Variants in CACNA1G observed in about 807,000 individuals in gnomAD.
CACNA1G encodes voltage-dependent T-type calcium channel subunit alpha-1G.
In CACNA1G, 67 loss-of-function variants were observed where a neutral mutation model predicts 219.4. The ratio of observed to expected loss-of-function variants is 0.31; its 90% CI spans 0.25 to 0.37. The LOEUF (loss-of-function observed/expected upper bound fraction) is 0.37. Among genes scored for constraint, CACNA1G ranks in the 10% least tolerant of loss-of-function variants. CACNA1G has a pLI of 1.00. For missense variants in CACNA1G, 2,380 were observed against 3,231.4 expected, an observed-to-expected ratio of 0.74 and a Z score of 6.39; for synonymous variants, 1,296 against 1,345.3, an observed-to-expected ratio of 0.96 and a Z score of 0.80.
rs35058899 is a variant in CACNA1G at position 50,623,263 on chromosome 17, A to ATTTTT, written c.6061-617_6061-613dup. Among the ~76,000 whole-genome samples the ATTTTT allele has an allele frequency of 2.2e-3, 110 of 50,980 alleles. 3 individuals are homozygous for ATTTTT. Among genetic ancestry groups the ATTTTT allele is most frequent in the South Asian group, 0.011 (9 of 812 alleles). 33.4% of individuals were successfully genotyped at this position (50,980 alleles called of 152,430 possible). A position where few individuals can be genotyped will look rare whatever the true frequency, so the allele number is the denominator to read the frequency against. The stretch of plus-strand genomic sequence containing the variant: ...GGTGCCACGCCACCATATCCAGCTA[A>ATTTTT]TTTTTTTTTTTTTTTTTTTTTTTTT... On this transcript the variant is annotated intron_variant, in intron 35 of 37. Transcript: ENST00000359106.
At chr17:50,612,098 G>C (rs2049335833) in intron 26 of CACNA1G, among the ~76,000 whole-genome samples, 1 of 152,240 alleles carries the variant, frequency 6.6e-6, no homozygotes, top group South Asian at 2.1e-4. Flanking sequence ...ATGTGCATAA[G>C]AATCACCTGG....
chr17:50,572,976 G>A, intron 6 of CACNA1G, 45 bp from the exon 7 acceptor site: 1 of 1,561,480 alleles, frequency 6.4e-7, no homozygotes, highest in Non-Finnish European at 8.7e-7. Context: ...GACTGAAGGA[G>A]GATTTGGTGG....
At chr17:50,619,576 T>A (rs2051297057) in intron 33 of CACNA1G, 107 bp from the exon 34 acceptor site, 1 of 1,073,918 alleles carries the variant, frequency 9.3e-7, no homozygotes, top group African/African-American at 1.6e-5. Context: ...TGTCACCTCT[T>A]TCTCCTCTGT....
Position 50,568,985 on chromosome 17 carries a change from AGTGTGT to A in CACNA1G, c.354+29_354+34del, listed in dbSNP as rs3833150. 9.4e-4 allele frequency: 1,114 copies of A among 1,180,750 alleles called. No homozygotes were observed. The highest frequency in any genetic ancestry group is 1.1e-3 in the Non-Finnish European group (934 of 828,480). The allele number at this position is 1,180,750 out of a possible 1,614,324, so 73.1% of individuals were successfully genotyped here. A position where few individuals can be genotyped will look rare whatever the true frequency, so the allele number is the denominator to read the frequency against. ...CCAGCGCTGCCGGATCCTGCAGGTG[AGTGTGT>A]GTGTGTGTGTGTGTGTGTGTGTGTT... On this transcript the variant is annotated splice_donor_5th_base_variant and intron_variant, in intron 2 of 37. Coordinates refer to ENST00000359106, the MANE Select transcript of CACNA1G (RefSeq NM_018896.5).
intron 7 of CACNA1G, 63 bp downstream of exon 7, chr17:50,573,176 C>T (rs2039836518): frequency 8.3e-7 from 1 of 1,198,306 alleles, no homozygotes; most frequent in African/African-American, 1.5e-5. Flanking sequence ...GGGGGCAGTC[C>T]AGAGAGGGGA....
Position 50,569,272 on chromosome 17 carries a change from G to A in CACNA1G, c.462G>A (p.Arg154=). The part of the protein sequence containing the change: ...KKCYLGDTWN[R]LDFFIVIAGM... ...GTTACCTGGGAGACACTTGGAACCG[G>A]CTTGACTTTTTCATCGTCATCGCAG... The change falls in exon 3 of 38, where the codon CGG becomes CGA. Residue 154 remains arginine, a synonymous_variant. Coordinates refer to ENST00000359106, the MANE Select transcript of CACNA1G (RefSeq NM_018896.5). 1 of 1,613,846 alleles carries A rather than the reference G, an allele frequency of 6.2e-7. No individual in the cohort carries two copies. The highest frequency in any genetic ancestry group is 1.1e-5 in the South Asian group (1 of 91,078).
At position 50,602,813 on chromosome 17, in the gene CACNA1G, C is replaced by T. The variant is rs2047028223; in HGVS notation, c.3916-7C>T. On this transcript the variant is annotated splice_polypyrimidine_tract_variant and splice_region_variant and intron_variant, in intron 19 of 37. Transcript: ENST00000359106. ...GGCGGGCAACCCCTGCCTCCCCTCTCTTGCAGGAACGCATCTTCCTGACCC... is the reference window on the plus strand; with the variant it reads ...GGCGGGCAACCCCTGCCTCCCCTCTTTTGCAGGAACGCATCTTCCTGACCC... 1.9e-6 allele frequency: 3 copies of T among 1,613,676 alleles called. No individual in the cohort carries two copies. In the African/African-American group the frequency reaches 4.0e-5, roughly 22 times the overall value.
In CACNA1G at chr17:50,596,882, G is replaced by C. The variant is rs1228444217; in HGVS notation, c.3217G>C (p.Gly1073Arg). ...GPASRRTSSS[G>R]SAEPGAAHEM... Reference sequence around the variant, plus strand: ...TGCGTCGCGCCGCACCAGCAGCAGCGGGTCGGCAGAGCCTGGGGCGGCCCA... The same window carrying C: ...TGCGTCGCGCCGCACCAGCAGCAGCCGGTCGGCAGAGCCTGGGGCGGCCCA... The change falls in exon 16 of 38, where the codon GGG becomes CGG. Residue 1073 changes from glycine (G) to arginine (R), a missense_variant. Gly to Arg is a moderately radical substitution (Grantham distance 125). Coordinates refer to ENST00000359106, the MANE Select transcript of CACNA1G (RefSeq NM_018896.5). The surrounding 1 kb of genome is among the most constrained non-coding windows in gnomAD (Gnocchi z 4.8). 6.3e-7 allele frequency: 1 copy of C among 1,587,220 alleles called. No individual in the cohort carries two copies. The highest frequency in any genetic ancestry group is 1.1e-5 in the South Asian group (1 of 88,050).
chr17:50,609,526 G>A (rs1340585989), intron 25 of CACNA1G, among the ~76,000 whole-genome samples: 6 of 152,052 alleles, frequency 3.9e-5, no homozygotes, highest in Non-Finnish European at 5.9e-5. Flanking sequence ...TTTGGCAGGC[G>A]GCACTTGTGG....
At position 50,590,646 on chromosome 17, in the gene CACNA1G, C is replaced by G. The variant is rs373194053; in HGVS notation, c.2453+24C>G. 100 of 1,586,972 alleles carry G rather than the reference C, an allele frequency of 6.3e-5. 1 individual carries two copies. The highest frequency in any genetic ancestry group is 8.1e-5 in the Non-Finnish European group (95 of 1,170,596). On this transcript the variant is annotated intron_variant, in intron 10 of 37. Transcript: ENST00000359106. ...AGGTATGACTACCCCCCGGCACTGACTCTCAGTTGAGGAATGGTAGCAGGG... is the reference window on the plus strand; with the variant it reads ...AGGTATGACTACCCCCCGGCACTGAGTCTCAGTTGAGGAATGGTAGCAGGG...
rs751748027 is a variant in CACNA1G at position 50,626,256 on chromosome 17, C to T, written c.6639C>T (p.Ser2213=). The T allele has an allele frequency of 1.4e-5, 22 of 1,613,666 alleles. No individual in the cohort carries two copies. The highest frequency in any genetic ancestry group is 1.9e-5 in the Non-Finnish European group (22 of 1,179,886). Residue 2213 remains serine, a synonymous_variant, in exon 38 of 38, where the codon AGC becomes AGT. Coordinates refer to ENST00000359106, the MANE Select transcript of CACNA1G (RefSeq NM_018896.5). The surrounding 1 kb of genome is among the most constrained non-coding windows in gnomAD (Gnocchi z 4.3). The part of the protein sequence containing the change: ...NWGKGPPETR[S]SLELDTELSW... The stretch of plus-strand genomic sequence containing the variant: ...GCAAGGGCCCTCCAGAGACCAGAAG[C>T]AGCTTAGAGTTGGACACGGAGCTGA...
At position 50,615,525 on chromosome 17, in the gene CACNA1G, G is replaced by C. The variant is rs761252175; in HGVS notation, c.4911+13G>C. The C allele has an allele frequency of 1.2e-6, 2 of 1,610,224 alleles. No homozygotes were observed. The highest frequency in any genetic ancestry group is 2.2e-5 in the South Asian group (2 of 90,688). ...CCAGCAGCCCCAGGTAGGAGCGAGT[G>C]GACCAGCCATCTGGCCCCCCCACCT... On this transcript the variant is annotated intron_variant, in intron 27 of 37. Transcript: ENST00000359106.
At chr17:50,591,885 G>C (rs1364153903) in intron 12 of CACNA1G, 32 bp downstream of exon 12, 1 of 1,613,660 alleles carries the variant, frequency 6.2e-7, no homozygotes, top group Non-Finnish European at 8.5e-7. Context: ...GCGTGGACAG[G>C]GGCCGTCAGG....
Position 50,626,524 on chromosome 17 carries a change from A to G in CACNA1G, c.6907A>G (p.Lys2303Glu). 1 of 1,573,642 alleles carries G rather than the reference A, an allele frequency of 6.4e-7. No individual in the cohort carries two copies. Among genetic ancestry groups the G allele is most frequent in the Admixed American group, 1.9e-5 (1 of 53,108 alleles). Reference sequence around the variant, plus strand: ...TCTTGGGGGGCCTGGGAGCCGGCCCAAGAAAAAACTCAGCCCGCCTAGTAT... The same window carrying G: ...TCTTGGGGGGCCTGGGAGCCGGCCCGAGAAAAAACTCAGCCCGCCTAGTAT... ...QPLGGPGSRP[K>E]KKLSPPSITI... Residue 2303 changes from lysine (K) to glutamate (E), a missense_variant, in exon 38 of 38, where the codon AAG becomes GAG. Physicochemically the swap from Lys to Glu is moderately conservative, Grantham distance 56. Around this residue, in one of 17 missense-constraint regions of CACNA1G, gnomAD observed 672 missense variants for 670.5 expected, o/e 1.00. Transcript: ENST00000359106. This position sits in a 1 kb window ranked among gnomAD's most constrained non-coding sequence, Gnocchi z 4.3.
chr17:50,616,696 C>T (rs1238835222), intron 28 of CACNA1G, among the ~76,000 whole-genome samples: 1 of 152,200 alleles, frequency 6.6e-6, no homozygotes, highest in Non-Finnish European at 1.5e-5. Context: ...GATTTGAATC[C>T]TGGTCTCACC....
At chr17:50,609,849 G>T (rs778005586) in intron 25 of CACNA1G, 33 bp from the exon 26 acceptor site, 2 of 1,605,444 alleles carry the variant, frequency 1.2e-6, no homozygotes, top group Non-Finnish European at 1.7e-6. Flanking sequence ...ACCTGGTCCG[G>T]CCAGTGACCA....
chr17:50,603,300 C>A lies in CACNA1G; in HGVS notation c.4169+101C>A. ...CCCTGCCACGAAACAAAAGCCTGCACAGGCCAGCATCCTGTCTGTGACCCC... is the reference window on the plus strand; with the variant it reads ...CCCTGCCACGAAACAAAAGCCTGCAAAGGCCAGCATCCTGTCTGTGACCCC... On this transcript the variant is annotated intron_variant, in intron 21 of 37. Transcript: ENST00000359106. The surrounding 1 kb of genome is among the most constrained non-coding windows in gnomAD (Gnocchi z 6.4). 3.0e-6 allele frequency: 3 copies of A among 987,448 alleles called. No individual in the cohort carries two copies. The highest frequency in any genetic ancestry group is 1.5e-5 in the South Asian group (1 of 65,032). The allele number at this position is 987,448 out of a possible 1,614,324, so 61.2% of individuals were successfully genotyped here. A position where few individuals can be genotyped will look rare whatever the true frequency, so the allele number is the denominator to read the frequency against.
chr17:50,600,744 C>A lies in CACNA1G; in HGVS notation c.3709C>A (p.Arg1237Ser), dbSNP rs765212113. ...EGNLSKGERV[R>S]AWIRARLPAC... ...TCTGCAGAGCAAAGGGGAACGGGTC[C>A]GCGCGTGGATCCGAGCCCGACTCCC... The change falls in exon 18 of 38, where the codon CGC becomes AGC. Residue 1237 changes from arginine (R) to serine (S), a missense_variant. Physicochemically the swap from Arg to Ser is moderately radical, Grantham distance 110 (BLOSUM62 -1). Around this residue, in one of 17 missense-constraint regions of CACNA1G, gnomAD observed 418 missense variants for 434.3 expected, o/e 0.96. Transcript: ENST00000359106. The surrounding 1 kb of genome is among the most constrained non-coding windows in gnomAD (Gnocchi z 4.1). The A allele has an allele frequency of 4.3e-6, 7 of 1,613,650 alleles. No individual in the cohort carries two copies. The East Asian group carries it at 1.1e-4, about 26-fold the overall frequency.
In CACNA1G at chr17:50,606,463, AGGTCACAATAAGGATGC is replaced by A. The variant is rs2047989164; in HGVS notation, c.4423-436_4423-420del. On this transcript the variant is annotated intron_variant, in intron 23 of 37. Coordinates refer to ENST00000359106, the MANE Select transcript of CACNA1G (RefSeq NM_018896.5). ...TGGAGTCATAATAGAATCTCCTCGG[AGGTCACAATAAGGATGC>A]AATGAGATGATGTGTATATTTCTTT... 16 of 587,368 alleles carry A rather than the reference AGGTCACAATAAGGATGC, an allele frequency of 2.7e-5. No homozygotes were observed. The South Asian group carries it at 2.8e-4, about 10-fold the overall frequency. The allele number at this position is 587,368 out of a possible 1,614,324, so 36.4% of individuals were successfully genotyped here.
Sources: gnomAD v4.1 joint callset for allele counts (sites outside exome capture counted in the v4.1 genomes callset) on GRCh38, gnomAD v4.1.1 for gene constraint, gnomAD v4.1.1 regional missense constraint, Gnocchi (gnomAD v3.1) non-coding constraint, MANE v1.5 for transcripts, NCBI Gene and HGNC (gene_info 2026-07-23, HGNC 2026-07-21) for gene names.